Variants in CPZ observed in about 807,000 individuals in gnomAD.
CPZ encodes carboxypeptidase Z.
In CPZ, 103 loss-of-function variants were observed where a neutral mutation model predicts 61.8. The observed-to-expected ratio is 1.67, with a 90% CI of 1.42 to 1.96. The LOEUF is 1.96. CPZ is among the 30% of genes most tolerant of loss of function. CPZ has a pLI of 0.00. For missense variants in CPZ, 1,461 were observed against 914.9 expected (o/e 1.60, Z -7.70); for synonymous variants, 551 against 373.7 (o/e 1.47, Z -5.47).
At chr4:8,603,611 G>A (rs4621412) in intron 3 of CPZ, 87,337 of 280,544 alleles carry the variant, frequency 0.31, 16,358 homozygotes, top group Middle Eastern at 0.47. Context: ...TGGAAAACAC[G>A]CCCAGGAAAA....
At chr4:8,618,717 G>A (rs1389211371) in intron 10 of CPZ, among the ~76,000 whole-genome samples, 189 bp downstream of exon 10, 1 of 152,208 alleles carries the variant, frequency 6.6e-6, no homozygotes, top group South Asian at 2.1e-4. Context: ...AGCATTTGGT[G>A]AGGGAAGAGC....
intron 7 of CPZ, among the ~76,000 whole-genome samples, chr4:8,609,318 TATTC>T (rs982062759): frequency 4.0e-4 from 50 of 123,946 alleles, no homozygotes; most frequent in African/African-American, 1.1e-3. Context: ...CTCATGCACT[TATTC>T]ACTCACTTTT....
rs778908291 is a variant in CPZ, at chr4:8,601,254, C to G, written c.253C>G (p.Leu85Val). 10 of 1,613,502 alleles carry G rather than the reference C, an allele frequency of 6.2e-6. No homozygotes were observed. Among genetic ancestry groups the G allele is most frequent in the Non-Finnish European group, 8.5e-6 (10 of 1,179,944 alleles). ...CTCCGAGTACATCCTGCTGAGCGTT[C>G]TACACCAGCTCCTGGAAGGCCAGTG... ...ASSEYILLSV[L>V]HQLLEGQCNP... The change falls in exon 3 of 11, where the codon CTA becomes GTA. Residue 85 changes from leucine (L) to valine (V), a missense_variant. Coordinates refer to ENST00000360986, the MANE Select transcript of CPZ (RefSeq NM_001014447.3).
intron 9 of CPZ, among the ~76,000 whole-genome samples, chr4:8,616,920 C>T (rs977843388): frequency 2.0e-5 from 3 of 152,194 alleles, no homozygotes; most frequent in South Asian, 4.1e-4. Flanking sequence ...CCCTCTCCAT[C>T]GCGTCAGGAG....
rs374144088 is a variant in CPZ at position 8,614,472 on chromosome 4, G to C, written c.1477G>C (p.Glu493Gln). The change falls in exon 9 of 11, where the codon GAG (glutamate) becomes CAG (glutamine). Residue 493 changes from glutamate (E) to glutamine (Q), a missense_variant. Physicochemically the swap from Glu to Gln is conservative, Grantham distance 29 (BLOSUM62 2). Coordinates refer to ENST00000360986, the MANE Select transcript of CPZ (RefSeq NM_001014447.3). Reference sequence around the variant, plus strand: ...GTACATACTCTGGCAGCACAACAAGGAGTCACTCCTGAATTTCGTGGAGAC... The same window carrying C: ...GTACATACTCTGGCAGCACAACAAGCAGTCACTCCTGAATTTCGTGGAGAC... ...ALYILWQHNK[E>Q]SLLNFVETVH... 5.0e-6 allele frequency: 8 copies of C among 1,613,748 alleles called. No individual in the cohort carries two copies. The highest frequency in any genetic ancestry group is 2.7e-5 in the African/African-American group (2 of 74,918).
intron 9 of CPZ, 105 bp from the exon 10 acceptor site, chr4:8,618,324 C>G: frequency 9.2e-7 from 1 of 1,084,716 alleles, no homozygotes. Flanking sequence ...GGGTAGTTCC[C>G]CCTAGATACC....
intron 4 of CPZ, among the ~76,000 whole-genome samples, chr4:8,605,705 A>G (rs535438156): frequency 1.4e-5 from 2 of 146,508 alleles, no homozygotes; most frequent in East Asian, 3.9e-4. Flanking sequence ...CTTATTACAC[A>G]AACATGAAGA....
intron 3 of CPZ, chr4:8,603,252 G>T (rs1365123641): frequency 6.6e-6 from 1 of 152,518 alleles, no homozygotes; most frequent in African/African-American, 2.4e-5. Flanking sequence ...CCCTGGCGGG[G>T]TGGAGGGAGC....
rs115406813 is a variant in CPZ at position 8,619,254 on chromosome 4, G to T, written c.1604-8G>T. 7.4e-4 allele frequency: 1,188 copies of T among 1,599,318 alleles called. 8 individuals are homozygous for T. The African/African-American group carries it at 0.014, about 19-fold the overall frequency. On this transcript the variant is annotated splice_polypyrimidine_tract_variant and splice_region_variant and intron_variant, in intron 10 of 10. Transcript: ENST00000360986. ...CGTGAGAATCATTTTTAATCTATTT[G>T]TCCACAGCCCCAGATGGTGACTACT... is the stretch of plus-strand genomic sequence containing the variant.
Position 8,593,239 on chromosome 4 carries a change from G to A in CPZ, c.88+318G>A, listed in dbSNP as rs62288569. On this transcript the variant is annotated intron_variant, in intron 1 of 10. Transcript: ENST00000360986. ...GCAGGGGCGCCCTGCAGGTGGGTTC[G>A]AGGGAGCAGGTGCCAGGACTTTGCA... Among the ~76,000 whole-genome samples the A allele has an allele frequency of 3.2e-3, 481 of 152,270 alleles. 1 individual carries two copies. The highest frequency in any genetic ancestry group is 5.2e-3 in the Non-Finnish European group (357 of 68,014).
intron 7 of CPZ, among the ~76,000 whole-genome samples, chr4:8,609,004 G>C (rs1715294144): frequency 1.6e-5 from 1 of 61,984 alleles, no homozygotes; most frequent in Non-Finnish European, 3.5e-5. Flanking sequence ...TCTTTCACTT[G>C]TTCATCATTC....
intron 7 of CPZ, 147 bp downstream of exon 7, chr4:8,607,572 C>A: frequency 1.1e-6 from 1 of 884,610 alleles, no homozygotes; most frequent in South Asian, 2.0e-5. Flanking sequence ...GCTCCAGGCC[C>A]AGCTCTGCAG....
At chr4:8,611,943 C>G in intron 7 of CPZ, 84 bp from the exon 8 acceptor site, 2 of 1,594,096 alleles carry the variant, frequency 1.3e-6, no homozygotes, top group Admixed American at 1.7e-5. Flanking sequence ...TGTTTGCACG[C>G]GCAGCTCCTC....
intron 4 of CPZ, among the ~76,000 whole-genome samples, chr4:8,605,564 TATCTATCC>T (rs1714899830): frequency 8.1e-6 from 1 of 123,836 alleles, no homozygotes; most frequent in Non-Finnish European, 1.7e-5. Flanking sequence ...ATCATTGATA[TATCTATCC>T]ATCCAGCCAT....
At chr4:8,609,680 G>A (rs1265383929) in intron 7 of CPZ, among the ~76,000 whole-genome samples, 1 of 151,758 alleles carries the variant, frequency 6.6e-6, no homozygotes, top group Non-Finnish European at 1.5e-5. Flanking sequence ...CTGGCCCAGT[G>A]TGTCTCAGCC....
intron 9 of CPZ, among the ~76,000 whole-genome samples, chr4:8,616,554 G>T (rs116129765): frequency 0.017 from 2,632 of 152,304 alleles, 89 homozygotes; most frequent in African/African-American, 0.059. Context: ...TGGTCATCAG[G>T]GAGGGCTTCC....
At chr4:8,604,888 C>T (rs1282251880) in intron 4 of CPZ, among the ~76,000 whole-genome samples, 1 of 152,236 alleles carries the variant, frequency 6.6e-6, no homozygotes, top group African/African-American at 2.4e-5. Flanking sequence ...TCCTACTGGT[C>T]TGGGCAGCAT....
chr4:8,605,172 C>T (rs1036603363), intron 4 of CPZ, among the ~76,000 whole-genome samples: 3 of 152,228 alleles, frequency 2.0e-5, no homozygotes, highest in Non-Finnish European at 4.4e-5. Flanking sequence ...CCCTGGCTGT[C>T]CCTGGGCCAC....
chr4:8,604,010 G>C lies in CPZ; in HGVS notation c.531G>C (p.Gly177=). 1 of 1,612,062 alleles carries C rather than the reference G, an allele frequency of 6.2e-7. No individual in the cohort carries two copies. The highest frequency in any genetic ancestry group is 8.5e-7 in the Non-Finnish European group (1 of 1,179,814). The change falls in exon 4 of 11, where the codon GGG becomes GGC. Residue 177 remains glycine (G), a synonymous_variant. Coordinates refer to ENST00000360986, the MANE Select transcript of CPZ (RefSeq NM_001014447.3). ...GLEADEALPS[G]LPPTFIRFSH... ...AGGCTGACGAGGCACTGCCCTCAGG[G>C]CTGCCGCCCACCTTCATCCGCTTCA...
Sources: gnomAD v4.1 joint callset for allele counts (sites outside exome capture counted in the v4.1 genomes callset) on GRCh38, gnomAD v4.1.1 for gene constraint, MANE v1.5 for transcripts, NCBI Gene and HGNC (gene_info 2026-07-23, HGNC 2026-07-21) for gene names.